The following OR14I1 variants were observed in gnomAD, a reference collection of about 807,000 sequenced individuals.
The protein encoded by OR14I1 is olfactory receptor 14I1.
For synonymous variants in OR14I1, 118 were observed against 71.1 expected, an observed-to-expected ratio of 1.66 and a Z score of -3.32; for missense variants, 279 against 181.8, an observed-to-expected ratio of 1.53 and a Z score of -3.07.
At chr1:248,701,380 C>T in the OR14I1 span, among the ~76,000 whole-genome samples, 4 of 152,224 alleles carry the variant, frequency 2.6e-5, no homozygotes, top group South Asian at 2.1e-4. Flanking sequence ...TCTCAAACTC[C>T]GGACCTCAAG....
chr1:248,684,047 A>T (rs1160515754), upstream of OR14I1, among the ~76,000 whole-genome samples: 1 of 152,038 alleles, frequency 6.6e-6, no homozygotes, highest in African/African-American at 2.4e-5. Context: ...AGGAAAAACA[A>T]AAAGAATTGT....
the OR14I1 span, among the ~76,000 whole-genome samples, chr1:248,688,664 TC>T: frequency 2.8e-4 from 42 of 152,134 alleles, no homozygotes; most frequent in Non-Finnish European, 5.1e-4. Flanking sequence ...GAATAATATT[TC>T]CCCCCACCCA....
chr1:248,698,249 G>A, the OR14I1 span, among the ~76,000 whole-genome samples: 26,944 of 152,210 alleles, frequency 0.18, 2,846 homozygotes, highest in African/African-American at 0.3. Context: ...GCAATCACTC[G>A]ATTGCTATTG....
chr1:248,682,089 G>A, exon 1 of OR14I1: 1 of 781,114 alleles, frequency 1.3e-6, no homozygotes, highest in Middle Eastern at 2.3e-4. Flanking sequence ...CAGTGACTGA[G>A]ATGTAGCACA....
At chr1:248,683,921 A>G (rs1289033726), upstream of OR14I1, among the ~76,000 whole-genome samples, 1 of 152,158 alleles carries the variant, frequency 6.6e-6, no homozygotes, top group Non-Finnish European at 1.5e-5. Context: ...AATCCCAGCT[A>G]CTCAGGAGGT....
the OR14I1 span, among the ~76,000 whole-genome samples, chr1:248,701,584 G>T: frequency 6.6e-6 from 1 of 152,172 alleles, no homozygotes; most frequent in Admixed American, 6.5e-5. Context: ...CAATTTTTGT[G>T]ATAACTTTCA....
the OR14I1 span, among the ~76,000 whole-genome samples, chr1:248,694,841 C>T: frequency 6.6e-6 from 1 of 152,190 alleles, no homozygotes; most frequent in African/African-American, 2.4e-5. Flanking sequence ...ACCTGTTGCC[C>T]CTCATTGCAA....
At chr1:248,681,076 C>T (rs578251541), downstream of OR14I1, among the ~76,000 whole-genome samples, 21 of 151,464 alleles carry the variant, frequency 1.4e-4, no homozygotes, top group South Asian at 3.3e-3. Flanking sequence ...TAAAGCAGTT[C>T]GAACATGTGT....
the OR14I1 span, among the ~76,000 whole-genome samples, chr1:248,694,150 C>G: frequency 6.6e-6 from 1 of 152,196 alleles, no homozygotes; most frequent in Non-Finnish European, 1.5e-5. Flanking sequence ...CAGGTGACCA[C>G]TTGTTTCCTC....
chr1:248,689,405 G>A, the OR14I1 span, among the ~76,000 whole-genome samples: 2 of 152,132 alleles, frequency 1.3e-5, no homozygotes, highest in Non-Finnish European at 2.9e-5. Flanking sequence ...CCTCCTACTG[G>A]ACCCAGTCTG....
chr1:248,680,868 T>C (rs1443782064), downstream of OR14I1, among the ~76,000 whole-genome samples: 2 of 152,092 alleles, frequency 1.3e-5, no homozygotes, highest in African/African-American at 4.8e-5. Flanking sequence ...CTTAAAATAT[T>C]TGGCAAAATC....
chr1:248,702,593 T>C, the OR14I1 span, among the ~76,000 whole-genome samples: 1 of 152,162 alleles, frequency 6.6e-6, no homozygotes, highest in East Asian at 1.9e-4. Context: ...ATAGCCCTTC[T>C]GTTCTCCCAG....
chr1:248,678,985 T>C (rs945602338), downstream of OR14I1, among the ~76,000 whole-genome samples: 1 of 152,230 alleles, frequency 6.6e-6, no homozygotes, highest in Non-Finnish European at 1.5e-5. Context: ...ATCAAGTACC[T>C]CTAAACAGTT....
exon 1 of OR14I1, chr1:248,682,106 A>G (rs369589135): frequency 5.1e-6 from 4 of 781,078 alleles, no homozygotes; most frequent in Admixed American, 5.1e-5. Flanking sequence ...CACAGATCCA[A>G]AACGGAGAGG....
chr1:248,696,766 C>T, the OR14I1 span, among the ~76,000 whole-genome samples: 1 of 152,218 alleles, frequency 6.6e-6, no homozygotes, highest in Non-Finnish European at 1.5e-5. Context: ...TAGTATTTAT[C>T]ATCATCTGAC....
chr1:248,702,091 GAAC>G, the OR14I1 span, among the ~76,000 whole-genome samples: 70 of 152,170 alleles, frequency 4.6e-4, no homozygotes, highest in East Asian at 9.5e-3. Flanking sequence ...ACTATCATGA[GAAC>G]AACAAGGGAG....
chr1:248,684,617 T>C (rs1420605454), upstream of OR14I1, among the ~76,000 whole-genome samples: 2 of 152,190 alleles, frequency 1.3e-5, no homozygotes, highest in African/African-American at 4.8e-5. Context: ...TTAAACTGAA[T>C]GGGATACTCT....
the OR14I1 span, chr1:248,698,893 C>T: frequency 6.6e-6 from 1 of 152,164 alleles, no homozygotes; most frequent in African/African-American, 2.4e-5. Context: ...TGAAGAGATG[C>T]ACACAAGCAG....
chr1:248,702,427 A>G, the OR14I1 span, among the ~76,000 whole-genome samples: 4 of 151,962 alleles, frequency 2.6e-5, no homozygotes, highest in South Asian at 4.1e-4. Flanking sequence ...AAGAAATTCT[A>G]TCTATTTATT....
Sources: gnomAD v4.1 joint callset for allele counts (sites outside exome capture counted in the v4.1 genomes callset) on GRCh38, gnomAD v4.1.1 for gene constraint, MANE v1.5 for transcripts, NCBI Gene and HGNC (gene_info 2026-07-23, HGNC 2026-07-21) for gene names.